Variants in GNB4 observed in about 807,000 individuals in gnomAD.
GNB4 encodes G protein subunit beta 4, also known as guanine nucleotide-binding protein subunit beta-4.
GNB4 carries 28 observed loss-of-function variants against 45.2 expected under a neutral mutation model. The observed-to-expected ratio is 0.62, with a 90% CI of 0.46 to 0.85. The LOEUF (loss-of-function observed/expected upper bound fraction) is 0.85, where lower values mean the gene tolerates loss of function less well. Ranked by LOEUF, GNB4 falls within the 40% of genes least tolerant of loss-of-function variation. The pLI is 0.00. For missense variants in GNB4, 321 were observed against 425.4 expected (o/e 0.75, Z 2.16); for synonymous variants, 132 against 143.7 (o/e 0.92, Z 0.58).
chr3:179,522,415 A>C, the GNB4 span, among the ~76,000 whole-genome samples: 3 of 152,240 alleles, frequency 2.0e-5, 1 homozygote, highest in South Asian at 6.2e-4. Flanking sequence ...GCCTGCACCC[A>C]GTTGATTAAA....
the GNB4 span, chr3:179,465,326 G>C: frequency 3.9e-6 from 5 of 1,298,568 alleles, no homozygotes; most frequent in Non-Finnish European, 4.4e-6. Context: ...CATTATGGCC[G>C]GGCGCGGTGG....
At chr3:179,527,282 A>G in the GNB4 span, among the ~76,000 whole-genome samples, 2 of 152,204 alleles carry the variant, frequency 1.3e-5, no homozygotes, top group African/African-American at 2.4e-5. Context: ...TTGCTACAGA[A>G]AGGATGAAAA....
At chr3:179,470,537 GA>G in the GNB4 span, among the ~76,000 whole-genome samples, 14 of 149,830 alleles carry the variant, frequency 9.3e-5, no homozygotes, top group Admixed American at 2.7e-4. Flanking sequence ...ATATATTAAA[GA>G]AAAAAATATA....
At chr3:179,417,077 A>AG (rs1327109063) in intron 4 of GNB4, among the ~76,000 whole-genome samples, 3 of 152,192 alleles carry the variant, frequency 2.0e-5, no homozygotes, top group African/African-American at 7.2e-5. Flanking sequence ...CTGTCAGAAG[A>AG]GGGGTATAAA....
intron 1 of GNB4, among the ~76,000 whole-genome samples, chr3:179,428,844 C>G (rs969477409): frequency 1.3e-5 from 2 of 152,132 alleles, no homozygotes; most frequent in Admixed American, 6.5e-5. Flanking sequence ...CCCAAAGCCA[C>G]ACACACATAC....
chr3:179,436,596 A>AT (rs952685275), intron 1 of GNB4, among the ~76,000 whole-genome samples: 6 of 151,462 alleles, frequency 4.0e-5, no homozygotes, highest in African/African-American at 9.7e-5. Context: ...AGCTTTTATG[A>AT]TTTTTTTTTA....
chr3:179,527,418 C>T, the GNB4 span, among the ~76,000 whole-genome samples: 39 of 152,232 alleles, frequency 2.6e-4, 2 homozygotes, highest in African/African-American at 9.4e-4. Flanking sequence ...GCTTAGACAT[C>T]CAGAAATACA....
chr3:179,505,324 A>G, the GNB4 span, among the ~76,000 whole-genome samples: 486 of 152,358 alleles, frequency 3.2e-3, 2 homozygotes, highest in African/African-American at 0.011. Context: ...GGATTTTGAT[A>G]AAATTGAGCT....
the GNB4 span, among the ~76,000 whole-genome samples, chr3:179,488,274 A>G: frequency 1.3e-5 from 2 of 152,184 alleles, no homozygotes; most frequent in Non-Finnish European, 2.9e-5. Flanking sequence ...TACAGGACCT[A>G]ACTGTAATGC....
At chr3:179,422,858 T>C (rs1715032210) in intron 2 of GNB4, among the ~76,000 whole-genome samples, 1 of 152,162 alleles carries the variant, frequency 6.6e-6, no homozygotes, top group East Asian at 1.9e-4. Context: ...ACTGGCGCCA[T>C]CTTGGCTCAC....
At chr3:179,435,507 G>A (rs1715421921) in intron 1 of GNB4, among the ~76,000 whole-genome samples, 1 of 145,258 alleles carries the variant, frequency 6.9e-6, no homozygotes. Flanking sequence ...AGGGGACAAT[G>A]TAATCGCCAA....
the GNB4 span, among the ~76,000 whole-genome samples, chr3:179,505,298 T>A: frequency 6.6e-6 from 1 of 152,180 alleles, no homozygotes; most frequent in African/African-American, 2.4e-5. Flanking sequence ...TTAAACTGAA[T>A]GAGAGATTAA....
At chr3:179,495,357 G>A in the GNB4 span, among the ~76,000 whole-genome samples, 6 of 151,700 alleles carry the variant, frequency 4.0e-5, no homozygotes, top group South Asian at 4.2e-4. Context: ...TGTACATGTG[G>A]TTCCACCTAC....
the GNB4 span, among the ~76,000 whole-genome samples, chr3:179,523,193 C>G: frequency 6.6e-6 from 1 of 151,916 alleles, no homozygotes; most frequent in East Asian, 1.9e-4. Context: ...GCAGGGAGAG[C>G]ACGTGTGTTT....
chr3:179,492,121 G>C, the GNB4 span, among the ~76,000 whole-genome samples: 1 of 152,194 alleles, frequency 6.6e-6, no homozygotes, highest in African/African-American at 2.4e-5. Context: ...GGCACCAAGA[G>C]TGATACTCTC....
the GNB4 span, among the ~76,000 whole-genome samples, chr3:179,496,916 A>G: frequency 6.6e-6 from 1 of 152,132 alleles, no homozygotes; most frequent in Non-Finnish European, 1.5e-5. Flanking sequence ...TCCACTTTCA[A>G]CAATCATTCT....
chr3:179,431,440 T>G (rs1715305547), intron 1 of GNB4, among the ~76,000 whole-genome samples: 1 of 151,688 alleles, frequency 6.6e-6, no homozygotes, highest in South Asian at 2.1e-4. Flanking sequence ...ACGCCTGTAA[T>G]CTCAGCTTCT....
the GNB4 span, among the ~76,000 whole-genome samples, chr3:179,485,438 A>T: frequency 2.8e-4 from 43 of 152,268 alleles, no homozygotes; most frequent in Non-Finnish European, 5.1e-4. Flanking sequence ...CCTGTACTGT[A>T]TGTCAACCCA....
At chr3:179,436,924 C>T (rs1715467932) in intron 1 of GNB4, among the ~76,000 whole-genome samples, 1 of 152,196 alleles carries the variant, frequency 6.6e-6, no homozygotes, top group African/African-American at 2.4e-5. Context: ...AAATAAGGCA[C>T]TGCTCTCCAG....
Sources: gnomAD v4.1 joint callset for allele counts (sites outside exome capture counted in the v4.1 genomes callset) on GRCh38, gnomAD v4.1.1 for gene constraint, MANE v1.5 for transcripts, NCBI Gene and HGNC (gene_info 2026-07-23, HGNC 2026-07-21) for gene names.